The following SGK3 variants were observed in gnomAD, a reference collection of about 807,000 sequenced individuals.
The protein encoded by SGK3 is serine/threonine-protein kinase Sgk3.
SGK3 carries 47 observed loss-of-function variants against 68.5 expected under a neutral mutation model. The ratio of observed to expected loss-of-function variants is 0.69; its 90% CI spans 0.54 to 0.87. The LOEUF is 0.87. SGK3 is among the 40% of genes least tolerant of loss of function. The pLI, the probability that SGK3 is intolerant of heterozygous loss-of-function variation, is 0.00. For missense variants in SGK3, 479 were observed against 575.5 expected (o/e 0.83, Z 1.72); for synonymous variants, 181 against 189.1 (o/e 0.96, Z 0.35).
chr8:66,764,540 G>T (rs899149925), intron 1 of SGK3, among the ~76,000 whole-genome samples: 1 of 152,076 alleles, frequency 6.6e-6, no homozygotes, highest in Non-Finnish European at 1.5e-5. Flanking sequence ...GTCTGCTCTT[G>T]ACTCACTACA....
chr8:66,718,419 T>C (rs1804703141), intron 1 of SGK3, among the ~76,000 whole-genome samples: 1 of 144,092 alleles, frequency 6.9e-6, no homozygotes, highest in South Asian at 2.1e-4. Context: ...AATATATATA[T>C]GTGTATATAT....
intron 1 of SGK3, among the ~76,000 whole-genome samples, chr8:66,743,343 G>T (rs534601475): frequency 1.4e-4 from 22 of 152,290 alleles, no homozygotes; most frequent in Middle Eastern, 6.8e-3. Context: ...TTCATACTGT[G>T]GGTCTTGGTC....
intron 16 of SGK3, among the ~76,000 whole-genome samples, chr8:66,854,915 G>T (rs915186402): frequency 6.6e-6 from 1 of 152,056 alleles, no homozygotes; most frequent in Admixed American, 6.6e-5. Flanking sequence ...TTGGGAGGCT[G>T]AGGCAGGTGG....
intron 16 of SGK3, among the ~76,000 whole-genome samples, chr8:66,851,563 A>G (rs1023814966): frequency 1.3e-5 from 2 of 152,024 alleles, no homozygotes; most frequent in Non-Finnish European, 2.9e-5. Context: ...GACAAACATT[A>G]TTAATAAAAT....
chr8:66,728,686 T>C (rs1805050290), intron 1 of SGK3, among the ~76,000 whole-genome samples: 1 of 152,054 alleles, frequency 6.6e-6, no homozygotes. Context: ...GAGGATTGCT[T>C]GAGGCTAGCT....
intron 1 of SGK3, among the ~76,000 whole-genome samples, chr8:66,781,913 A>G (rs1444904399): frequency 6.6e-5 from 10 of 152,318 alleles, no homozygotes; most frequent in African/African-American, 1.4e-4. Flanking sequence ...AAAACAGGAA[A>G]AAGTTGTAAC....
At chr8:66,717,228 CAAAAAAAACAA>C (rs1341448720) in intron 1 of SGK3, among the ~76,000 whole-genome samples, 1 of 109,972 alleles carries the variant, frequency 9.1e-6, no homozygotes, top group Non-Finnish European at 1.7e-5. Context: ...ACAAAAAAAA[CAAAAAAAACAA>C]AAAAAAAACG....
At chr8:66,787,086 G>A (rs1272618919) in intron 1 of SGK3, among the ~76,000 whole-genome samples, 2 of 151,830 alleles carry the variant, frequency 1.3e-5, no homozygotes, top group African/African-American at 4.8e-5. Flanking sequence ...TGGGATTACA[G>A]GCATGTGCCA....
intron 1 of SGK3, among the ~76,000 whole-genome samples, chr8:66,722,730 A>C (rs1804830701): frequency 6.6e-6 from 1 of 152,164 alleles, no homozygotes. Context: ...AGTAATTTAT[A>C]AGAAAAGAGG....
Position 66,860,635 on chromosome 8 carries a change from G to C in SGK3, c.*1054G>C. 1 of 152,084 alleles carries C rather than the reference G, an allele frequency of 6.6e-6. No homozygotes were observed. Among genetic ancestry groups the C allele is most frequent in the East Asian group, 1.9e-4 (1 of 5,196 alleles). 9.4% of individuals were successfully genotyped at this position (152,084 alleles called of 1,614,324 possible). Reference sequence around the variant, plus strand: ...GATTTTTTAAGGTGGTACCAAAAATGAATGTCTGTCATATATTTATATTAC... The same window carrying C: ...GATTTTTTAAGGTGGTACCAAAAATCAATGTCTGTCATATATTTATATTAC... On this transcript the variant is annotated 3_prime_UTR_variant, in exon 17 of 17. Coordinates refer to ENST00000521198, the MANE Select transcript of SGK3 (RefSeq NM_001033578.3).
At chr8:66,715,310 T>C (rs1337197199) in intron 1 of SGK3, among the ~76,000 whole-genome samples, 1 of 151,800 alleles carries the variant, frequency 6.6e-6, no homozygotes, top group Non-Finnish European at 1.5e-5. Flanking sequence ...CAGGCTGGAG[T>C]GCAATGGCGC....
At chr8:66,772,717 C>G (rs556748539) in intron 1 of SGK3, among the ~76,000 whole-genome samples, 2 of 152,078 alleles carry the variant, frequency 1.3e-5, no homozygotes, top group African/African-American at 4.8e-5. Context: ...CCTGCCACCA[C>G]GCCTGGCTAA....
chr8:66,781,020 T>C (rs1175362170), intron 1 of SGK3, among the ~76,000 whole-genome samples: 6 of 152,150 alleles, frequency 3.9e-5, no homozygotes, highest in African/African-American at 1.2e-4. Context: ...TGCCAACCTC[T>C]TCAGTTCAGA....
At chr8:66,831,936 G>A (rs1809318967) in intron 8 of SGK3, among the ~76,000 whole-genome samples, 1 of 151,746 alleles carries the variant, frequency 6.6e-6, no homozygotes, top group Non-Finnish European at 1.5e-5. Flanking sequence ...AATCTCGGTG[G>A]GGGGATAGTC....
chr8:66,853,442 A>G (rs1234780106), intron 16 of SGK3, among the ~76,000 whole-genome samples: 1 of 152,210 alleles, frequency 6.6e-6, no homozygotes. Flanking sequence ...AATAAAATGA[A>G]TTAGTTGATT....
intron 1 of SGK3, among the ~76,000 whole-genome samples, chr8:66,731,284 T>C (rs1229010817): frequency 6.6e-6 from 1 of 152,198 alleles, no homozygotes; most frequent in African/African-American, 2.4e-5. Context: ...TATAGATGTC[T>C]ATTAGGTTTA....
chr8:66,804,409 T>C lies in SGK3; in HGVS notation c.215T>C (p.Ile72Thr). The C allele has an allele frequency of 6.2e-7, 1 of 1,612,294 alleles. No individual in the cohort carries two copies. ...KKQFPAMALK[I>T]PAKRIFGDNF... is the part of the protein sequence containing the mutation. ...CAGTTTCCTGCTATGGCCCTGAAGA[T>C]TCCTGCCAAGAGAATATTTGGTGAT... The change falls in exon 4 of 17, where the codon ATT becomes ACT. Residue 72 changes from isoleucine (I) to threonine (T), a missense_variant. By Grantham distance (89) the Ile-to-Thr change is moderately conservative. Transcript: ENST00000521198.
At chr8:66,749,378 G>A (rs556286269) in intron 1 of SGK3, among the ~76,000 whole-genome samples, 2 of 151,644 alleles carry the variant, frequency 1.3e-5, no homozygotes, top group Admixed American at 6.6e-5. Flanking sequence ...GCTACAGAGT[G>A]AGACCCTGTC....
chr8:66,719,070 C>G (rs1390307091), intron 1 of SGK3, among the ~76,000 whole-genome samples: 3 of 152,060 alleles, frequency 2.0e-5, no homozygotes, highest in African/African-American at 4.8e-5. Flanking sequence ...GATTGAGACC[C>G]TATCCCCCCC....
Sources: gnomAD v4.1 joint callset for allele counts (sites outside exome capture counted in the v4.1 genomes callset) on GRCh38, gnomAD v4.1.1 for gene constraint, MANE v1.5 for transcripts, NCBI Gene and HGNC (gene_info 2026-07-23, HGNC 2026-07-21) for gene names.